DPYD: variants seen among roughly 807,000 people sequenced by gnomAD.
The protein encoded by DPYD is dihydropyrimidine dehydrogenase [NADP(+)].
In DPYD, 109 loss-of-function variants were observed where a neutral mutation model predicts 116.2. The ratio of observed to expected loss-of-function variants is 0.94; its 90% CI spans 0.80 to 1.10. The LOEUF (loss-of-function observed/expected upper bound fraction) is 1.10. DPYD is among the 50% of genes least tolerant of loss of function. DPYD has a pLI of 0.00. For missense variants in DPYD, 1,302 were observed against 1,254.5 expected (o/e 1.04, Z -0.57); for synonymous variants, 440 against 432.0 (o/e 1.02, Z -0.23).
At chr1:97,873,464 G>A (rs1435198409) in intron 2 of DPYD, among the ~76,000 whole-genome samples, 5 of 151,676 alleles carry the variant, frequency 3.3e-5, no homozygotes, top group Non-Finnish European at 5.9e-5. Context: ...TATAAACAAC[G>A]GAAACCAATC....
chr1:97,321,066 C>G (rs1415220898), intron 16 of DPYD, among the ~76,000 whole-genome samples: 1 of 100,778 alleles, frequency 9.9e-6, no homozygotes, highest in Non-Finnish European at 1.9e-5. Context: ...TTCCTTACAC[C>G]TTATACAAAA....
At chr1:97,323,446 A>G (rs533765974) in intron 16 of DPYD, among the ~76,000 whole-genome samples, 6 of 101,314 alleles carry the variant, frequency 5.9e-5, no homozygotes, top group African/African-American at 1.2e-4. Flanking sequence ...ATGTACACGT[A>G]TATACATATC....
At position 97,504,833 on chromosome 1, in the gene DPYD, G is replaced by C. The variant is rs147850929; in HGVS notation, c.1740+10893C>G. 5.8e-3 allele frequency among the ~76,000 whole-genome samples: 870 copies of C among 150,854 alleles called. 28 individuals are homozygous for C. In the South Asian group the frequency reaches 0.062, roughly 11 times the overall value. On this transcript the variant is annotated intron_variant, in intron 13 of 22. Coordinates refer to ENST00000370192, the MANE Select transcript of DPYD (RefSeq NM_000110.4). ...GGTAGTCAGTCAGCAGGTTCCCTTT[G>C]CAGGGCCTGGTGGTCACGAGATCTG...
At chr1:97,446,163 C>A (rs529499501) in intron 14 of DPYD, among the ~76,000 whole-genome samples, 1 of 152,084 alleles carries the variant, frequency 6.6e-6, no homozygotes, top group East Asian at 1.9e-4. Flanking sequence ...ATACTCACCA[C>A]GACATCAAAA....
At chr1:97,447,236 T>C (rs1418681759) in intron 14 of DPYD, among the ~76,000 whole-genome samples, 1 of 152,220 alleles carries the variant, frequency 6.6e-6, no homozygotes, top group African/African-American at 2.4e-5. Context: ...GTGGGTTGAA[T>C]TGTCCAGTCC....
At chr1:97,893,287 GTCATGGGTC>G (rs1046664099) in intron 1 of DPYD, among the ~76,000 whole-genome samples, 16 of 151,198 alleles carry the variant, frequency 1.1e-4, no homozygotes, top group African/African-American at 3.6e-4. Context: ...CACTGACTGA[GTCATGGGTC>G]TCTGAACTTA....
chr1:97,570,440 T>G (rs1476403785), intron 11 of DPYD, among the ~76,000 whole-genome samples: 2 of 151,954 alleles, frequency 1.3e-5, no homozygotes, highest in Non-Finnish European at 2.9e-5. Context: ...TTCCCTGTGC[T>G]GGATGCTGGC....
At chr1:97,459,874 AAAACT>A (rs1676920334) in intron 13 of DPYD, among the ~76,000 whole-genome samples, 1 of 152,216 alleles carries the variant, frequency 6.6e-6, no homozygotes. Context: ...AAAAATAAAC[AAAACT>A]AAATAGTACA....
At chr1:97,600,821 G>C (rs184113221) in intron 8 of DPYD, among the ~76,000 whole-genome samples, 1 of 152,244 alleles carries the variant, frequency 6.6e-6, no homozygotes, top group Non-Finnish European at 1.5e-5. Context: ...GATATACACA[G>C]TTTATATTAT....
chr1:97,900,592 T>A (rs1283583022), intron 1 of DPYD, among the ~76,000 whole-genome samples: 1 of 151,968 alleles, frequency 6.6e-6, no homozygotes, highest in Non-Finnish European at 1.5e-5. Flanking sequence ...TTTCAAAGAA[T>A]GATCAATGGA....
chr1:97,374,516 C>T lies in DPYD; in HGVS notation c.1975-872G>A, dbSNP rs556992108. ...CAGGCAGATCATGAGGTCAGGAGATCGAGATCATCCTGGCTAACACAGTGA... is the reference window on the plus strand; with the variant it reads ...CAGGCAGATCATGAGGTCAGGAGATTGAGATCATCCTGGCTAACACAGTGA... On this transcript the variant is annotated intron_variant, in intron 15 of 22. Transcript: ENST00000370192. Among the ~76,000 whole-genome samples the T allele has an allele frequency of 1.7e-3, 265 of 151,480 alleles. 3 individuals are homozygous for T. The highest frequency in any genetic ancestry group is 3.4e-3 in the Middle Eastern group (1 of 290).
chr1:97,082,744 T>C (rs779448745), intron 21 of DPYD, among the ~76,000 whole-genome samples: 1 of 152,144 alleles, frequency 6.6e-6, no homozygotes, highest in Non-Finnish European at 1.5e-5. Context: ...TAAAACAGCA[T>C]TTCTGTGGAC....
chr1:97,399,742 C>T (rs1263719243), intron 14 of DPYD, among the ~76,000 whole-genome samples: 1 of 151,752 alleles, frequency 6.6e-6, no homozygotes, highest in East Asian at 1.9e-4. Context: ...TGATTTGGCT[C>T]TCTGTTTGTC....
At chr1:97,256,482 T>C (rs1663477306) in intron 18 of DPYD, among the ~76,000 whole-genome samples, 1 of 152,002 alleles carries the variant, frequency 6.6e-6, no homozygotes, top group Non-Finnish European at 1.5e-5. Context: ...ATAAGTCTCA[T>C]GAGATCTGAT....
In DPYD at chr1:97,175,514, A is replaced by G. The variant is rs78407113; in HGVS notation, c.2622+17555T>C. Among the ~76,000 whole-genome samples, 35 of 152,336 alleles carry G rather than the reference A, an allele frequency of 2.3e-4. No homozygotes were observed. The East Asian group carries it at 6.7e-3, about 29-fold the overall frequency. ...CTTTGGGTTTCTCAGGAGGGGCAGA[A>G]TGATTCACTATCAACATAGTATCAC... On this transcript the variant is annotated intron_variant, in intron 20 of 22. Coordinates refer to ENST00000370192, the MANE Select transcript of DPYD (RefSeq NM_000110.4).
At chr1:97,195,086 G>A (rs1216142341) in intron 19 of DPYD, among the ~76,000 whole-genome samples, 2 of 152,068 alleles carry the variant, frequency 1.3e-5, no homozygotes, top group African/African-American at 4.8e-5. Flanking sequence ...ACTTCCTGTA[G>A]AACCTCTTCA....
At chr1:97,278,018 T>C (rs1173289334) in intron 18 of DPYD, among the ~76,000 whole-genome samples, 1 of 152,250 alleles carries the variant, frequency 6.6e-6, no homozygotes, top group Non-Finnish European at 1.5e-5. Context: ...TCTATTTATT[T>C]AGTTTGTGAT....
At chr1:97,351,144 C>G (rs1476001875) in intron 16 of DPYD, among the ~76,000 whole-genome samples, 1 of 152,090 alleles carries the variant, frequency 6.6e-6, no homozygotes, top group Non-Finnish European at 1.5e-5. Context: ...TCTTTCAAAA[C>G]TTCATAGCTC....
At chr1:97,142,117 G>C (rs938268136) in intron 20 of DPYD, among the ~76,000 whole-genome samples, 1 of 152,134 alleles carries the variant, frequency 6.6e-6, no homozygotes, top group African/African-American at 2.4e-5. Flanking sequence ...ATAGAATGCA[G>C]AGAGAATAGA....
Sources: gnomAD v4.1 joint callset for allele counts (sites outside exome capture counted in the v4.1 genomes callset) on GRCh38, gnomAD v4.1.1 for gene constraint, MANE v1.5 for transcripts, NCBI Gene and HGNC (gene_info 2026-07-23, HGNC 2026-07-21) for gene names.